BMPR1B: variants seen among roughly 807,000 people sequenced by gnomAD.
The protein encoded by BMPR1B is bone morphogenetic protein receptor type-1B.
In BMPR1B, 12 loss-of-function variants were observed where a neutral mutation model predicts 59.1. That is an observed-to-expected ratio of 0.20 (90% CI 0.13 to 0.33). The LOEUF is 0.33. BMPR1B is among the 10% of genes least tolerant of loss of function. BMPR1B has a pLI of 1.00. For missense variants in BMPR1B, 550 were observed against 610.9 expected, an observed-to-expected ratio of 0.90 and a Z score of 1.05; for synonymous variants, 237 against 207.3, an observed-to-expected ratio of 1.14 and a Z score of -1.23.
chr4:94,957,037 A>C (rs754958736), intron 2 of BMPR1B, among the ~76,000 whole-genome samples: 7 of 152,322 alleles, frequency 4.6e-5, no homozygotes, highest in Non-Finnish European at 7.4e-5. Context: ...GCATTCAATG[A>C]CTGTTACTGG....
At chr4:94,832,681 G>A (rs1724647819) in intron 1 of BMPR1B, among the ~76,000 whole-genome samples, 1 of 152,148 alleles carries the variant, frequency 6.6e-6, no homozygotes, top group Non-Finnish European at 1.5e-5. Context: ...TACTCAGGAG[G>A]CTGAGGCAGG....
chr4:94,953,817 G>GCCA (rs1162202971), intron 2 of BMPR1B, among the ~76,000 whole-genome samples: 3 of 151,992 alleles, frequency 2.0e-5, no homozygotes, highest in South Asian at 2.1e-4. Context: ...TGCTAGGTTG[G>GCCA]GGAAGTTCTC....
intron 10 of BMPR1B, among the ~76,000 whole-genome samples, chr4:95,143,614 C>T (rs1381401046): frequency 6.6e-6 from 1 of 152,180 alleles, no homozygotes; most frequent in Non-Finnish European, 1.5e-5. Context: ...TCATACTCCA[C>T]CATGCTGGCA....
intron 7 of BMPR1B, among the ~76,000 whole-genome samples, chr4:95,124,588 T>C (rs886688868): frequency 5.3e-5 from 8 of 151,970 alleles, no homozygotes; most frequent in Non-Finnish European, 8.8e-5. Flanking sequence ...GAGAGTTAGC[T>C]ATAATGATTT....
chr4:94,953,979 CT>C, intron 2 of BMPR1B, among the ~76,000 whole-genome samples: 1 of 151,810 alleles, frequency 6.6e-6, no homozygotes, highest in Non-Finnish European at 1.5e-5. Context: ...TTTTTTTTCC[CT>C]AATCTTGTCT....
At chr4:94,887,155 C>G (rs748978430) in intron 2 of BMPR1B, among the ~76,000 whole-genome samples, 2 of 151,282 alleles carry the variant, frequency 1.3e-5, no homozygotes, top group Non-Finnish European at 2.9e-5. Flanking sequence ...TTGGAGGACT[C>G]AACTCTTCTC....
At chr4:94,832,777 C>G (rs1364321277) in intron 1 of BMPR1B, among the ~76,000 whole-genome samples, 1 of 150,336 alleles carries the variant, frequency 6.7e-6, no homozygotes, top group Non-Finnish European at 1.5e-5. Flanking sequence ...AGTAATGCTC[C>G]GTCTCAAAAA....
intron 8 of BMPR1B, among the ~76,000 whole-genome samples, 181 bp downstream of exon 8, chr4:95,125,302 T>C (rs771320590): frequency 3.2e-4 from 48 of 152,104 alleles, no homozygotes; most frequent in Non-Finnish European, 6.5e-4. Context: ...GAGAGTAAGG[T>C]GATTGTTTTT....
intron 2 of BMPR1B, among the ~76,000 whole-genome samples, chr4:94,965,647 T>C (rs1730527872): frequency 6.6e-6 from 1 of 152,196 alleles, no homozygotes; most frequent in African/African-American, 2.4e-5. Context: ...TAATAACTTT[T>C]GTTAAAGGTT....
intron 3 of BMPR1B, among the ~76,000 whole-genome samples, chr4:95,094,531 C>G (rs1179544702): frequency 1.3e-5 from 2 of 151,968 alleles, no homozygotes; most frequent in Non-Finnish European, 2.9e-5. Flanking sequence ...CATAAAACAA[C>G]AATTTATTAT....
intron 1 of BMPR1B, among the ~76,000 whole-genome samples, chr4:94,873,673 G>T (rs1726595015): frequency 6.6e-6 from 1 of 152,180 alleles, no homozygotes; most frequent in Admixed American, 6.5e-5. Context: ...CTCCCAAAGT[G>T]CTGGGATTAC....
intron 1 of BMPR1B, among the ~76,000 whole-genome samples, chr4:94,821,164 C>G (rs1300524227): frequency 1.3e-5 from 2 of 152,160 alleles, no homozygotes; most frequent in Non-Finnish European, 2.9e-5. Flanking sequence ...CACAGCTATA[C>G]TTGGTTCCAT....
At chr4:94,932,875 AG>A (rs1402684556) in intron 2 of BMPR1B, among the ~76,000 whole-genome samples, 1 of 152,156 alleles carries the variant, frequency 6.6e-6, no homozygotes, top group Non-Finnish European at 1.5e-5. Flanking sequence ...TCACTCAGAA[AG>A]TTCTGATTCA....
At chr4:95,012,674 A>C (rs1166657422) in intron 3 of BMPR1B, among the ~76,000 whole-genome samples, 1 of 152,170 alleles carries the variant, frequency 6.6e-6, no homozygotes, top group Non-Finnish European at 1.5e-5. Flanking sequence ...GTATTGCATA[A>C]ACAAACTAAA....
intron 3 of BMPR1B, among the ~76,000 whole-genome samples, chr4:95,025,368 A>G (rs748666649): frequency 6.6e-6 from 1 of 152,132 alleles, no homozygotes; most frequent in African/African-American, 2.4e-5. Context: ...TGCTTAGTGG[A>G]GAACTGTGTC....
Position 95,039,382 on chromosome 4 carries a change from A to T in BMPR1B, c.-18+43248A>T, listed in dbSNP as rs144963453. On this transcript the variant is annotated intron_variant, in intron 3 of 12. Coordinates refer to ENST00000515059, the MANE Select transcript of BMPR1B (RefSeq NM_001203.3). ...TGTCTCTGTGCTGTGAAATTTTCTG[A>T]TTAAATGAAGTTTGTACATGGGGTT... Among the ~76,000 whole-genome samples, 611 of 148,678 alleles carry T rather than the reference A, an allele frequency of 4.1e-3. 5 individuals are homozygous for T. Among genetic ancestry groups the T allele is most frequent in the African/African-American group, 0.015 (590 of 40,386 alleles).
Position 94,955,637 on chromosome 4 carries a change from C to CT in BMPR1B, c.-112-40394dup, listed in dbSNP as rs148110827. On this transcript the variant is annotated intron_variant, in intron 2 of 12. Coordinates refer to ENST00000515059, the MANE Select transcript of BMPR1B (RefSeq NM_001203.3). ...TTTACACGTATTAGCACATTTAATT[C>CT]TTTTTTTTTAAAGACAGAATCTCGC... Among the ~76,000 whole-genome samples the CT allele has an allele frequency of 8.8e-5, 13 of 148,296 alleles. No individual in the cohort carries two copies. In the East Asian group the frequency reaches 1.6e-3, roughly 18 times the overall value.
intron 2 of BMPR1B, among the ~76,000 whole-genome samples, chr4:94,909,801 T>C (rs1310729723): frequency 6.6e-6 from 1 of 152,086 alleles, no homozygotes; most frequent in African/African-American, 2.4e-5. Flanking sequence ...CAGAAACCAC[T>C]GCACGGATGA....
chr4:95,017,581 G>T (rs981280289), intron 3 of BMPR1B, among the ~76,000 whole-genome samples: 2 of 152,198 alleles, frequency 1.3e-5, no homozygotes, highest in Admixed American at 1.3e-4. Flanking sequence ...AATGTTTGAG[G>T]TGTTTCCTAG....
Sources: allele counts gnomAD v4.1 joint callset (sites outside exome capture counted in the v4.1 genomes callset), GRCh38; gene constraint gnomAD v4.1.1; transcripts MANE v1.5; gene names NCBI Gene and HGNC (gene_info 2026-07-23, HGNC 2026-07-21).